Variants in MAML2 observed in about 807,000 individuals in gnomAD.
MAML2 encodes the protein mastermind like transcriptional coactivator 2, also known as mastermind-like protein 2.
In MAML2, 22 loss-of-function variants were observed where a neutral mutation model predicts 96.1. The ratio of observed to expected loss-of-function variants is 0.23; its 90% CI spans 0.16 to 0.33. The LOEUF (loss-of-function observed/expected upper bound fraction) is 0.33, where lower values mean the gene tolerates loss of function less well. Ranked by LOEUF, MAML2 falls within the 10% of genes least tolerant of loss-of-function variation. The pLI is 1.00. For synonymous variants in MAML2, 561 were observed against 521.3 expected (o/e 1.08, Z -1.04); for missense variants, 1,367 against 1,392.4 (o/e 0.98, Z 0.29).
chr11:96,195,921 C>A (rs1310561521), intron 1 of MAML2, among the ~76,000 whole-genome samples: 1 of 152,170 alleles, frequency 6.6e-6, no homozygotes, highest in East Asian at 1.9e-4. Context: ...CTCCCTTAAT[C>A]CCTAAAGCAA....
At chr11:96,059,037 G>A (rs974277395) in intron 2 of MAML2, among the ~76,000 whole-genome samples, 4 of 152,228 alleles carry the variant, frequency 2.6e-5, no homozygotes, top group East Asian at 1.9e-4. Context: ...GGCAGAGATC[G>A]TGCCACTGCA....
intron 1 of MAML2, among the ~76,000 whole-genome samples, chr11:96,156,465 T>C (rs1438808038): frequency 6.6e-6 from 1 of 152,168 alleles, no homozygotes; most frequent in Non-Finnish European, 1.5e-5. Flanking sequence ...TGGCTGCCCC[T>C]GGATAGCACC....
chr11:96,095,078 C>A (rs963213358), intron 1 of MAML2, among the ~76,000 whole-genome samples: 2 of 152,026 alleles, frequency 1.3e-5, no homozygotes, highest in African/African-American at 4.8e-5. Flanking sequence ...GTAACTTGCC[C>A]AGGGTCACAC....
At chr11:96,317,348 T>TAA (rs1159468366) in intron 1 of MAML2, among the ~76,000 whole-genome samples, 3 of 152,168 alleles carry the variant, frequency 2.0e-5, no homozygotes, top group Non-Finnish European at 2.9e-5. Context: ...CTAAAATGCT[T>TAA]AAGCCAAGAT....
chr11:96,237,211 T>C (rs954157681), intron 1 of MAML2, among the ~76,000 whole-genome samples: 2 of 152,198 alleles, frequency 1.3e-5, no homozygotes, highest in Non-Finnish European at 2.9e-5. Context: ...GGCCAGTCAG[T>C]ATTCTTCTCA....
chr11:96,113,303 G>C (rs1388663156), intron 1 of MAML2, among the ~76,000 whole-genome samples: 2 of 152,040 alleles, frequency 1.3e-5, no homozygotes, highest in Non-Finnish European at 2.9e-5. Context: ...TCACTGCCTT[G>C]CATTGTTTTA....
intron 1 of MAML2, among the ~76,000 whole-genome samples, chr11:96,270,574 G>T (rs1319000245): frequency 6.6e-6 from 1 of 152,116 alleles, no homozygotes; most frequent in Non-Finnish European, 1.5e-5. Context: ...CTCCAAAAGT[G>T]CTGGGATTAC....
In MAML2 at chr11:95,985,601, T is replaced by C. The variant is rs927641914; in HGVS notation, c.2385A>G (p.Ser795=). 1.9e-6 allele frequency: 3 copies of C among 1,612,742 alleles called. No homozygotes were observed. The highest frequency in any genetic ancestry group is 2.5e-6 in the Non-Finnish European group (3 of 1,179,260). The change falls in exon 4 of 5, where the codon TCA becomes TCG. Residue 795 remains serine (S), a synonymous_variant. Coordinates refer to ENST00000524717, the MANE Select transcript of MAML2 (RefSeq NM_032427.4). ...APQDQINRHL[S]RPPPDYKDQR... is the part of the protein sequence containing the mutation. ...GGTCTTTATAATCTGGAGGTGGCCT[T>C]GACAAATGTCGGTTTATCTGATCTT...
intron 1 of MAML2, among the ~76,000 whole-genome samples, chr11:96,166,382 T>G (rs975823975): frequency 2.0e-5 from 3 of 152,166 alleles, no homozygotes; most frequent in African/African-American, 7.2e-5. Context: ...TAAAAGAAAG[T>G]GGTTATTTTC....
chr11:96,136,350 T>A (rs1860632101), intron 1 of MAML2, among the ~76,000 whole-genome samples: 2 of 151,306 alleles, frequency 1.3e-5, no homozygotes, highest in African/African-American at 4.9e-5. Flanking sequence ...ACATATGAGT[T>A]GAAGTCAATT....
intron 1 of MAML2, among the ~76,000 whole-genome samples, chr11:96,275,269 A>ATTTT (rs56407815): frequency 1.3e-4 from 15 of 111,738 alleles, no homozygotes; most frequent in East Asian, 5.8e-4. Flanking sequence ...ACACTAAGGA[A>ATTTT]TTTTTTTTTT....
chr11:96,080,390 T>C (rs1438993031), intron 2 of MAML2, among the ~76,000 whole-genome samples: 1 of 152,218 alleles, frequency 6.6e-6, no homozygotes, highest in Non-Finnish European at 1.5e-5. Context: ...AGCTTTTGCA[T>C]TTTAATATGA....
chr11:96,340,931 G>A (rs1447664384), intron 1 of MAML2, among the ~76,000 whole-genome samples: 1 of 152,138 alleles, frequency 6.6e-6, no homozygotes. Flanking sequence ...AAAAGGGAGA[G>A]GGGAAATGGG....
chr11:96,327,557 G>A (rs2136015485), intron 1 of MAML2, among the ~76,000 whole-genome samples: 1 of 151,930 alleles, frequency 6.6e-6, no homozygotes, highest in South Asian at 2.1e-4. Flanking sequence ...CAGATTACAG[G>A]TACCTGCCAC....
intron 1 of MAML2, among the ~76,000 whole-genome samples, chr11:96,166,674 C>A (rs1386195022): frequency 2.6e-5 from 4 of 152,206 alleles, no homozygotes; most frequent in Non-Finnish European, 4.4e-5. Context: ...ATGTGTCTGT[C>A]ACAGGTGAAG....
At chr11:96,138,339 A>G (rs960648997) in intron 1 of MAML2, among the ~76,000 whole-genome samples, 1 of 152,248 alleles carries the variant, frequency 6.6e-6, no homozygotes, top group Admixed American at 6.5e-5. Flanking sequence ...ACCTGAGCTC[A>G]TATTACTGCC....
intron 1 of MAML2, among the ~76,000 whole-genome samples, chr11:96,266,350 C>G (rs916056754): frequency 2.6e-5 from 4 of 152,108 alleles, no homozygotes; most frequent in African/African-American, 9.7e-5. Context: ...GTGGACAGAT[C>G]ACGAGGTCAG....
intron 1 of MAML2, among the ~76,000 whole-genome samples, chr11:96,181,168 G>T (rs1239719506): frequency 6.6e-6 from 1 of 152,186 alleles, no homozygotes; most frequent in Non-Finnish European, 1.5e-5. Context: ...GGGCGTATAC[G>T]TGCAAGTCAC....
chr11:96,140,750 C>T (rs754683705), intron 1 of MAML2, among the ~76,000 whole-genome samples: 10 of 152,128 alleles, frequency 6.6e-5, no homozygotes, highest in East Asian at 5.8e-4. Flanking sequence ...GAGGGTCAGG[C>T]GGCTCTTCCT....
Sources: allele counts gnomAD v4.1 joint callset (sites outside exome capture counted in the v4.1 genomes callset), GRCh38; gene constraint gnomAD v4.1.1; transcripts MANE v1.5; gene names NCBI Gene and HGNC (gene_info 2026-07-23, HGNC 2026-07-21).